The following UNC79 variants were observed in gnomAD, a reference collection of about 807,000 sequenced individuals.
The protein encoded by UNC79 is unc-79 subunit of NALCN channel complex, also known as protein unc-79 homolog.
UNC79 carries 37 observed loss-of-function variants against 283.1 expected under a neutral mutation model. The ratio of observed to expected loss-of-function variants is 0.13; its 90% confidence interval spans 0.10 to 0.17. The LOEUF is 0.17. Ranked by LOEUF, UNC79 falls within the 10% of genes least tolerant of loss-of-function variation. The pLI is 1.00. For missense variants in UNC79, 2,272 were observed against 3,211.1 expected, an observed-to-expected ratio of 0.71 and a Z score of 7.07; for synonymous variants, 1,107 against 1,200.2, an observed-to-expected ratio of 0.92 and a Z score of 1.61.
At chr14:93,634,992 G>A (rs61981634) in intron 31 of UNC79, among the ~76,000 whole-genome samples, 1 of 152,052 alleles carries the variant, frequency 6.6e-6, no homozygotes, top group Non-Finnish European at 1.5e-5. Flanking sequence ...TACAAAGTAC[G>A]CCCCAAATGA....
At chr14:93,347,886 A>C in intron 1 of UNC79, 1 of 577,572 alleles carries the variant, frequency 1.7e-6, no homozygotes, top group Non-Finnish European at 3.1e-6. Context: ...ATCGATTTTC[A>C]GCATTTTAGA....
At chr14:93,659,383 C>A in intron 39 of UNC79, 122 bp downstream of exon 42, 1 of 729,974 alleles carries the variant, frequency 1.4e-6, no homozygotes, top group South Asian at 2.1e-5. Context: ...CTTTCAGCCT[C>A]CTTCTTTTTC....
intron 40 of UNC79, among the ~76,000 whole-genome samples, chr14:93,665,715 GA>G (rs201797483): frequency 1.3e-5 from 2 of 149,104 alleles, no homozygotes; most frequent in Non-Finnish European, 3.0e-5. Flanking sequence ...GAAGATAATT[GA>G]AAAAAAAAGT....
intron 32 of UNC79, among the ~76,000 whole-genome samples, chr14:93,639,202 A>G (rs1363674962): frequency 6.6e-6 from 1 of 152,210 alleles, no homozygotes; most frequent in Non-Finnish European, 1.5e-5. Flanking sequence ...TAATTAAAAA[A>G]TCAATTTCTT....
At chr14:93,571,996 G>T in exon 15 of UNC79, 2 of 1,614,208 alleles carry the variant, frequency 1.2e-6, no homozygotes, top group South Asian at 1.1e-5. Context: ...CAATCAATCT[G>T]TCTGGGAGTG....
chr14:93,348,922 G>A (rs1411324392), intron 1 of UNC79, among the ~76,000 whole-genome samples: 1 of 152,166 alleles, frequency 6.6e-6, no homozygotes, highest in Admixed American at 6.5e-5. Context: ...ATAGAAGTTG[G>A]GCAACCCGCT....
intron 17 of UNC79, 119 bp downstream of exon 17, chr14:93,575,317 G>T (rs1013572104): frequency 4.8e-6 from 6 of 1,241,948 alleles, no homozygotes; most frequent in African/African-American, 1.5e-5. Flanking sequence ...AGCCCATCTC[G>T]CTGTGTTCAT....
At chr14:93,644,113 A>G (rs1231268793) in intron 34 of UNC79, among the ~76,000 whole-genome samples, 1 of 152,194 alleles carries the variant, frequency 6.6e-6, no homozygotes, top group African/African-American at 2.4e-5. Context: ...TCATTTAACT[A>G]TGAAACTTGG....
At chr14:93,566,438 A>C (rs183211028) in intron 14 of UNC79, among the ~76,000 whole-genome samples, 32 of 152,244 alleles carry the variant, frequency 2.1e-4, no homozygotes, top group Non-Finnish European at 4.1e-4. Context: ...TAAGGTGTGC[A>C]GGCTGGGCTG....
chr14:93,457,941 G>C (rs867723567), intron 1 of UNC79, among the ~76,000 whole-genome samples: 1 of 152,178 alleles, frequency 6.6e-6, no homozygotes, highest in African/African-American at 2.4e-5. Context: ...GCAGTGGCAG[G>C]TAATTGAGGA....
intron 1 of UNC79, among the ~76,000 whole-genome samples, chr14:93,418,912 A>C (rs557930308): frequency 1.3e-5 from 2 of 151,908 alleles, no homozygotes; most frequent in Non-Finnish European, 2.9e-5. Flanking sequence ...CCGATTTTCC[A>C]GGTGCCATCT....
intron 29 of UNC79, among the ~76,000 whole-genome samples, chr14:93,618,669 A>G (rs1042103145): frequency 8.5e-5 from 13 of 152,198 alleles, no homozygotes; most frequent in South Asian, 6.2e-4. Flanking sequence ...TTGGGCTATA[A>G]AATAAGTCTT....
intron 40 of UNC79, among the ~76,000 whole-genome samples, chr14:93,666,584 C>G (rs1166911369): frequency 1.3e-5 from 2 of 152,066 alleles, no homozygotes; most frequent in African/African-American, 2.4e-5. Context: ...TTACACAGAG[C>G]TAATAATATA....
chr14:93,502,322 A>T (rs2059335067), intron 7 of UNC79, among the ~76,000 whole-genome samples: 1 of 152,040 alleles, frequency 6.6e-6, no homozygotes, highest in Non-Finnish European at 1.5e-5. Flanking sequence ...CTGAGGCAGG[A>T]GAATGGTGTG....
At chr14:93,521,425 A>G (rs1595735094) in intron 7 of UNC79, among the ~76,000 whole-genome samples, 1 of 151,940 alleles carries the variant, frequency 6.6e-6, no homozygotes, top group Admixed American at 6.6e-5. Flanking sequence ...TTCATACTCT[A>G]TTCAGCAAAT....
In UNC79 at chr14:93,556,621, C is replaced by A. The variant is rs143642708; in HGVS notation, c.1755+13925C>A. ...AGAAATTACCTTAAGTCCTCTCATG[C>A]AGGGCAGTGAGGGCGTGTGTGCCAG... On this transcript the variant is annotated intron_variant, in intron 14 of 48. Coordinates refer to ENST00000555664, the Ensembl canonical transcript of UNC79. 1.5e-4 allele frequency among the ~76,000 whole-genome samples: 23 copies of A among 151,486 alleles called. No homozygotes were observed. In the East Asian group the frequency reaches 3.5e-3, roughly 23 times the overall value.
At chr14:93,606,184 A>G (rs957287199) in intron 26 of UNC79, among the ~76,000 whole-genome samples, 1 of 152,220 alleles carries the variant, frequency 6.6e-6, no homozygotes, top group Non-Finnish European at 1.5e-5. Context: ...ATCCAACCCA[A>G]GAAGTCCCCT....
Position 93,630,797 on chromosome 14 carries a change from G to T in UNC79, c.5609-4G>T. 6.2e-7 allele frequency: 1 copy of T among 1,612,250 alleles called. No homozygotes were observed. The highest frequency in any genetic ancestry group is 8.5e-7 in the Non-Finnish European group (1 of 1,178,362). On this transcript the variant is annotated splice_region_variant and splice_polypyrimidine_tract_variant and intron_variant, in intron 30 of 48. Transcript: ENST00000555664. The stretch of plus-strand genomic sequence containing the variant: ...TGAGTTTTAAATAATATTTCTGTTT[G>T]TAGATCCTTCTACTAAAGGACTTTC...
chr14:93,648,387 C>A (rs1377595152), intron 35 of UNC79, among the ~76,000 whole-genome samples: 2 of 152,014 alleles, frequency 1.3e-5, no homozygotes, highest in Admixed American at 6.6e-5. Flanking sequence ...AGTTTGGAGA[C>A]CATGTTAGCG....
Sources: gnomAD v4.1 joint callset for allele counts (sites outside exome capture counted in the v4.1 genomes callset) on GRCh38, gnomAD v4.1.1 for gene constraint, MANE v1.5 for transcripts, NCBI Gene and HGNC (gene_info 2026-07-23, HGNC 2026-07-21) for gene names.